The following CAMKK2 variants were observed in gnomAD, a reference collection of about 807,000 sequenced individuals.
The protein encoded by CAMKK2 is calcium/calmodulin dependent protein kinase kinase 2, also known as calcium/calmodulin-dependent protein kinase kinase 2.
Under a neutral mutation model 67.2 loss-of-function variants are expected in CAMKK2, and 30 were observed. The observed-to-expected ratio is 0.45, with a 90% confidence interval of 0.33 to 0.61. The LOEUF (loss-of-function observed/expected upper bound fraction) is 0.61, where lower values mean the gene tolerates loss of function less well. Among genes scored for constraint, CAMKK2 ranks in the 20% least tolerant of loss-of-function variants. CAMKK2 has a pLI of 0.02. For missense variants in CAMKK2, 643 were observed against 802.0 expected (o/e 0.80, Z 2.39); for synonymous variants, 322 against 326.2 (o/e 0.99, Z 0.14).
At chr12:121,294,544 T>A (rs1031392392) in intron 1 of CAMKK2, among the ~76,000 whole-genome samples, 1 of 152,152 alleles carries the variant, frequency 6.6e-6, no homozygotes, top group African/African-American at 2.4e-5. Context: ...CAAAACAAAC[T>A]CCTGGGCTCC....
chr12:121,239,145 T>C lies in CAMKK2; in HGVS notation c.*1554A>G. On this transcript the variant is annotated 3_prime_UTR_variant, in exon 17 of 17. Coordinates refer to ENST00000404169, the MANE Select transcript of CAMKK2 (RefSeq NM_001270485.2). ...CTGGGCAGGGGCACGAGGCCTTGCC[T>C]TTGTCTGAGAAGTCCTCACACCACA... 6.6e-6 allele frequency: 1 copy of C among 152,388 alleles called. No individual in the cohort carries two copies. Among genetic ancestry groups the C allele is most frequent in the Non-Finnish European group, 1.5e-5 (1 of 68,066 alleles). The allele number at this position is 152,388 out of a possible 1,614,324, so 9.4% of individuals were successfully genotyped here.
chr12:121,282,878 C>A (rs181976418), intron 1 of CAMKK2, among the ~76,000 whole-genome samples: 46 of 152,250 alleles, frequency 3.0e-4, no homozygotes, highest in African/African-American at 1.1e-3. Context: ...CCTCAGCCTC[C>A]TGAGTAGTTG....
At chr12:121,271,967 C>T (rs12582752) in intron 2 of CAMKK2, among the ~76,000 whole-genome samples, 11,064 of 152,238 alleles carry the variant, frequency 0.073, 602 homozygotes, top group East Asian at 0.26. Context: ...GCCTTGGCCT[C>T]CCAAAATGCT....
chr12:121,272,172 C>T (rs756592151), intron 2 of CAMKK2, among the ~76,000 whole-genome samples: 52 of 152,304 alleles, frequency 3.4e-4, no homozygotes, highest in Middle Eastern at 6.8e-3. Flanking sequence ...TCTACCGTAC[C>T]ACAGGCCACT....
intron 1 of CAMKK2, among the ~76,000 whole-genome samples, chr12:121,292,658 A>G (rs1900291110): frequency 1.3e-5 from 2 of 152,204 alleles, no homozygotes; most frequent in Non-Finnish European, 2.9e-5. Flanking sequence ...AGTGAGTGGG[A>G]AAGCAAAACA....
At chr12:121,297,408 G>A (rs1450177559), upstream of CAMKK2, 1 of 354,436 alleles carries the variant, frequency 2.8e-6, no homozygotes, top group Non-Finnish European at 5.7e-6. Context: ...GCTGGGGGAA[G>A]GCGTTCCTCT....
intron 13 of CAMKK2, among the ~76,000 whole-genome samples, chr12:121,249,136 G>A (rs1487039412): frequency 6.6e-6 from 1 of 152,216 alleles, no homozygotes; most frequent in Admixed American, 6.5e-5. Context: ...GGCATGGTGG[G>A]ACCAGCTGGC....
intron 7 of CAMKK2, 52 bp from the exon 8 acceptor site, chr12:121,255,856 T>C: frequency 6.3e-7 from 1 of 1,574,826 alleles, no homozygotes; most frequent in Middle Eastern, 1.7e-4. Flanking sequence ...AACATCCATC[T>C]CTCTCTGTCC....
intron 3 of CAMKK2, 103 bp from the exon 4 acceptor site, chr12:121,269,684 C>G (rs930685505): frequency 1.2e-6 from 1 of 860,686 alleles, no homozygotes; most frequent in African/African-American, 1.7e-5. Flanking sequence ...TTGGTCAAAT[C>G]TGTCCCGCAA....
intron 5 of CAMKK2, 92 bp from the exon 6 acceptor site, chr12:121,264,031 C>A: frequency 9.3e-5 from 115 of 1,239,414 alleles, no homozygotes; most frequent in Middle Eastern, 2.7e-4. Flanking sequence ...GGTGGGATGC[C>A]AAAAAGCCAC....
intron 1 of CAMKK2, among the ~76,000 whole-genome samples, chr12:121,282,843 C>T (rs1378110235): frequency 6.6e-6 from 1 of 152,176 alleles, no homozygotes; most frequent in Non-Finnish European, 1.5e-5. Context: ...CAACCTCCGC[C>T]TCCCAAGTTC....
rs200795406 is a variant in CAMKK2 at position 121,245,130 on chromosome 12, G to A, written c.1553+10C>T. 1.7e-4 allele frequency: 261 copies of A among 1,574,672 alleles called. No individual in the cohort carries two copies. The highest frequency in any genetic ancestry group is 7.9e-4 in the South Asian group (69 of 86,890). On this transcript the variant is annotated intron_variant, in intron 15 of 16. Transcript: ENST00000404169. This position sits in a 1 kb window ranked among gnomAD's most constrained non-coding sequence, Gnocchi z 5.8. Reference sequence around the variant, plus strand: ...CACTCCCCCACCCAAGAAGGCAGGCGGCCACTCACGTGAGCAAGTTTCCAG... The same window carrying A: ...CACTCCCCCACCCAAGAAGGCAGGCAGCCACTCACGTGAGCAAGTTTCCAG...
intron 16 of CAMKK2, among the ~76,000 whole-genome samples, chr12:121,242,692 T>C (rs1208813924): frequency 1.3e-5 from 2 of 152,230 alleles, no homozygotes; most frequent in Admixed American, 1.3e-4. Context: ...TCCTCCTAGA[T>C]TACCATATAA....
chr12:121,291,534 T>C (rs1900018409), intron 1 of CAMKK2, among the ~76,000 whole-genome samples: 2 of 152,170 alleles, frequency 1.3e-5, no homozygotes, highest in Admixed American at 6.6e-5. Flanking sequence ...AAGTCATATA[T>C]TACATGATTC....
At chr12:121,277,670 G>C (rs1240124039) in intron 1 of CAMKK2, among the ~76,000 whole-genome samples, 2 of 152,188 alleles carry the variant, frequency 1.3e-5, no homozygotes, top group Admixed American at 1.3e-4. Flanking sequence ...GAAGTATCTA[G>C]AATAGTCAAA....
chr12:121,246,478 G>T (rs1229228795), intron 14 of CAMKK2, among the ~76,000 whole-genome samples: 2 of 151,868 alleles, frequency 1.3e-5, no homozygotes, highest in Non-Finnish European at 2.9e-5. Flanking sequence ...CCTGGGAGGC[G>T]GAGGTTGCAG....
Position 121,238,476 on chromosome 12 carries a change from GCT to G in CAMKK2, c.*2221_*2222del, listed in dbSNP as rs1254328123. The G allele has an allele frequency of 6.6e-6, 1 of 152,544 alleles. No homozygotes were observed. Among genetic ancestry groups the G allele is most frequent in the African/African-American group, 2.4e-5 (1 of 41,404 alleles). 9.4% of individuals were successfully genotyped at this position (152,544 alleles called of 1,614,324 possible). On this transcript the variant is annotated 3_prime_UTR_variant, in exon 17 of 17. Coordinates refer to ENST00000404169, the MANE Select transcript of CAMKK2 (RefSeq NM_001270485.2). ...GTGCTCCAAGAGTGGCAGCTCAAAT[GCT>G]CTGTGTTTACAGCCATCTTGGCTTA...
At chr12:121,255,293 TA>T in intron 9 of CAMKK2, among the ~76,000 whole-genome samples, 6 of 70,042 alleles carry the variant, frequency 8.6e-5, no homozygotes, top group African/African-American at 3.6e-4. Context: ...TATATAATTA[TA>T]TATATAATTT....
intron 1 of CAMKK2, among the ~76,000 whole-genome samples, chr12:121,281,074 G>A (rs1395523585): frequency 6.6e-6 from 1 of 152,222 alleles, no homozygotes; most frequent in African/African-American, 2.4e-5. Context: ...CTACCGACAT[G>A]TGATGTCTCC....
Sources: allele counts gnomAD v4.1 joint callset (sites outside exome capture counted in the v4.1 genomes callset), GRCh38; gene constraint gnomAD v4.1.1; non-coding constraint Gnocchi (gnomAD v3.1); transcripts MANE v1.5; gene names NCBI Gene and HGNC (gene_info 2026-07-23, HGNC 2026-07-21).